Variants in A2ML1 observed in about 807,000 individuals in gnomAD.
A2ML1 encodes the protein alpha-2-macroglobulin-like protein 1.
Under a neutral mutation model 181.9 loss-of-function variants are expected in A2ML1, and 161 were observed. The observed-to-expected ratio is 0.89, with a 90% CI of 0.78 to 1.01. The LOEUF is 1.01. Ranked by LOEUF, A2ML1 falls within the 50% of genes least tolerant of loss-of-function variation. A2ML1 has a pLI of 0.00. For synonymous variants in A2ML1, 663 were observed against 666.8 expected (o/e 0.99, Z 0.09); for missense variants, 1,670 against 1,768.1 (o/e 0.94, Z 1.00).
chr12:8,852,433 C>A lies in A2ML1; in HGVS notation c.2590+97C>A. On this transcript the variant is annotated intron_variant, in intron 20 of 35. Coordinates refer to ENST00000299698, the MANE Select transcript of A2ML1 (RefSeq NM_144670.6). The surrounding 1 kb of genome is among the most constrained non-coding windows in gnomAD (Gnocchi z 4.2). ...TTCCTCTGCCACATCTGCTTTGCTT[C>A]CTCCTCCATTTTCCACTATTTTTCT... 6.5e-7 allele frequency: 1 copy of A among 1,535,322 alleles called. No individual in the cohort carries two copies.
rs1185230247 is a variant in A2ML1 at position 8,823,189 on chromosome 12, C to G, written c.70C>G (p.Leu24Val). The G allele has an allele frequency of 1.2e-6, 2 of 1,613,248 alleles. No individual in the cohort carries two copies. The highest frequency in any genetic ancestry group is 1.1e-5 in the South Asian group (1 of 90,934). ...CTTCTGCTCCTTTAATAGAAACTAC[C>G]TGGTGACATTACCAGCCCGGCTAAA... ...PAIAEELPNY[L>V]VTLPARLNFP... The change falls in exon 2 of 36, where the codon CTG becomes GTG. Residue 24 changes from leucine (L) to valine (V), a missense_variant. Transcript: ENST00000299698.
chr12:8,872,376 G>C (rs752797435), intron 33 of A2ML1, among the ~76,000 whole-genome samples: 10 of 151,792 alleles, frequency 6.6e-5, no homozygotes, highest in African/African-American at 2.2e-4. Flanking sequence ...TTAACTATTG[G>C]TCTTTATCAT....
At chr12:8,886,761 A>G (rs1944924900) in exon 8 of A2ML1, 1 of 152,196 alleles carries the variant, frequency 6.6e-6, no homozygotes, top group Admixed American at 6.5e-5. Flanking sequence ...ACATTGGATT[A>G]GCCACCCTTA....
intron 32 of A2ML1, 23 bp downstream of exon 32, chr12:8,868,650 A>G (rs1210994319): frequency 1.2e-6 from 2 of 1,607,396 alleles, no homozygotes; most frequent in Non-Finnish European, 1.7e-6. Context: ...TGTTTTCTTC[A>G]TTTATCTAGC....
chr12:8,833,942 A>T (rs1344866133), intron 4 of A2ML1, among the ~76,000 whole-genome samples: 2 of 152,160 alleles, frequency 1.3e-5, no homozygotes, highest in Non-Finnish European at 2.9e-5. Flanking sequence ...TTGGCCCAAG[A>T]ATAAAAAAAT....
intron 14 of A2ML1, among the ~76,000 whole-genome samples, chr12:8,846,830 A>T (rs1476454338): frequency 6.9e-6 from 1 of 145,904 alleles, no homozygotes; most frequent in Non-Finnish European, 1.5e-5. Flanking sequence ...AAAAAAAATT[A>T]GTTGAGTGTG....
chr12:8,876,642 C>T lies in A2ML1; in HGVS notation c.*586C>T, dbSNP rs1437046814. 6.6e-6 allele frequency: 1 copy of T among 152,082 alleles called. No homozygotes were observed. The highest frequency in any genetic ancestry group is 1.5e-5 in the Non-Finnish European group (1 of 68,038). The allele number at this position is 152,082 out of a possible 1,614,324, so 9.4% of individuals were successfully genotyped here. A position where few individuals can be genotyped will look rare whatever the true frequency, so the allele number is the denominator to read the frequency against. The stretch of plus-strand genomic sequence containing the variant: ...GAGCTGAGATTGTGCCACTGCACTC[C>T]AGCCTGGGCAATGAGGCAAGACCCT... On this transcript the variant is annotated 3_prime_UTR_variant, in exon 36 of 36. Transcript: ENST00000299698.
Position 8,852,230 on chromosome 12 carries a change from A to G in A2ML1, c.2484A>G (p.Lys828=), listed in dbSNP as rs375644283. Residue 828 remains lysine, a synonymous_variant, in exon 20 of 36, where the codon AAA becomes AAG. Transcript: ENST00000299698. This position sits in a 1 kb window ranked among gnomAD's most constrained non-coding sequence, Gnocchi z 4.2. ...CGTAGGTTCAGACTGACCTGGCTAA[A>G]TCGCATGAGTACCAGCTAGAATCAT... ...DCIRVQTDLA[K]SHEYQLESWA... The G allele has an allele frequency of 1.3e-4, 206 of 1,614,102 alleles. No individual in the cohort carries two copies. The highest frequency in any genetic ancestry group is 1.6e-4 in the Non-Finnish European group (187 of 1,180,020).
At position 8,839,168 on chromosome 12, in the gene A2ML1, G is replaced by C. The variant is rs1278078138; in HGVS notation, c.1026G>C (p.Met342Ile). The C allele has an allele frequency of 1.2e-6, 2 of 1,613,496 alleles. No homozygotes were observed. Among genetic ancestry groups the C allele is most frequent in the African/African-American group, 2.7e-5 (2 of 74,898 alleles). Reference protein sequence around the residue: ...NIYISPQMGSMTFEDTSNFYH... With the variant: ...NIYISPQMGSITFEDTSNFYH... ...ACATTTCTCCACAAATGGGATCAAT[G>C]ACCTTTGAAGACACCAGCAATTTTT... The change falls in exon 10 of 36, where the codon ATG becomes ATC. Residue 342 changes from methionine to isoleucine, a missense_variant. Met to Ile is a conservative substitution (Grantham distance 10, BLOSUM62 1). Coordinates refer to ENST00000299698, the MANE Select transcript of A2ML1 (RefSeq NM_144670.6).
At chr12:8,874,856 C>A in intron 34 of A2ML1, 115 bp from the exon 35 acceptor site, 2 of 964,556 alleles carry the variant, frequency 2.1e-6, no homozygotes, top group Non-Finnish European at 3.2e-6. Flanking sequence ...TCTGAATATG[C>A]TCATAACCTG....
chr12:8,863,263 C>T (rs188210337), intron 28 of A2ML1, among the ~76,000 whole-genome samples: 15 of 152,090 alleles, frequency 9.9e-5, no homozygotes, highest in African/African-American at 3.6e-4. Flanking sequence ...CGCGCCACCA[C>T]GCCTGGCTAA....
intron 33 of A2ML1, 77 bp downstream of exon 33, chr12:8,869,280 G>A (rs1944541257): frequency 6.9e-6 from 10 of 1,446,534 alleles, no homozygotes; most frequent in South Asian, 2.3e-5. Context: ...CTGTATATAC[G>A]GGTGTCACAC....
At chr12:8,834,794 T>C (rs934803632) in intron 5 of A2ML1, 112 bp downstream of exon 5, 18 of 1,379,420 alleles carry the variant, frequency 1.3e-5, no homozygotes, top group East Asian at 1.1e-4. Flanking sequence ...CAGAGCCCCA[T>C]GACTCTGCCC....
chr12:8,849,903 C>A, intron 17 of A2ML1, 144 bp downstream of exon 17: 1 of 768,328 alleles, frequency 1.3e-6, no homozygotes, highest in South Asian at 1.8e-5. Context: ...AGGACAGTTT[C>A]CCAAGTGTTC....
intron 22 of A2ML1, 141 bp downstream of exon 22, chr12:8,854,972 G>A: frequency 8.5e-6 from 7 of 827,800 alleles, no homozygotes; most frequent in Non-Finnish European, 1.3e-5. Flanking sequence ...TCAGCTCATT[G>A]CAACCTCTGC....
Position 8,861,259 on chromosome 12 carries a change from T to C in A2ML1, c.3464T>C (p.Ile1155Thr). Residue 1155 changes from isoleucine (I) to threonine (T), a missense_variant, in exon 28 of 36, where the codon ATT (isoleucine) becomes ACT (threonine). Ile to Thr is a moderately conservative substitution (Grantham distance 89). Transcript: ENST00000299698. ...SLAGEMDIRNILLKQLDQQAI... is the reference protein window; with the variant it reads ...SLAGEMDIRNTLLKQLDQQAI... Reference sequence around the variant, plus strand: ...GCTGGGGAAATGGACATCAGAAACATTCTCCTTAAACAGTTAGATCAACAG... The same window carrying C: ...GCTGGGGAAATGGACATCAGAAACACTCTCCTTAAACAGTTAGATCAACAG... The C allele has an allele frequency of 1.2e-6, 2 of 1,614,122 alleles. No individual in the cohort carries two copies. The highest frequency in any genetic ancestry group is 1.3e-5 in the African/African-American group (1 of 74,998).
downstream of A2ML1, among the ~76,000 whole-genome samples, chr12:8,881,376 G>A (rs757269458): frequency 3.0e-4 from 45 of 152,282 alleles, no homozygotes; most frequent in African/African-American, 1.0e-3. Flanking sequence ...AGTAAGTTAT[G>A]GGAAGGTAAA....
rs56179521 is a variant in A2ML1, at chr12:8,857,183, C to T, written c.2868C>T (p.Ala956=). The T allele has an allele frequency of 0.047, 76,295 of 1,612,308 alleles. 2,274 individuals carry two copies. Among genetic ancestry groups the T allele is most frequent in the Non-Finnish European group, 0.054 (63,865 of 1,179,958 alleles). ...VTVLGDIMGT[A]LQNLDGLVQM... Reference sequence around the variant, plus strand: ...TCCCAGGAGACATTATGGGCACAGCCCTGCAGAACCTGGATGGTCTGGTGC... The same window carrying T: ...TCCCAGGAGACATTATGGGCACAGCTCTGCAGAACCTGGATGGTCTGGTGC... Residue 956 remains alanine (A), a synonymous_variant, in exon 24 of 36, where the codon GCC becomes GCT. Transcript: ENST00000299698.
At chr12:8,858,213 T>A (rs1251749572) in intron 26 of A2ML1, 111 bp downstream of exon 26, 1 of 1,314,966 alleles carries the variant, frequency 7.6e-7, no homozygotes, top group Non-Finnish European at 1.0e-6. Flanking sequence ...TCTCCTGATC[T>A]CCACTGTGGC....
Sources: allele counts gnomAD v4.1 joint callset (sites outside exome capture counted in the v4.1 genomes callset), GRCh38; gene constraint gnomAD v4.1.1; non-coding constraint Gnocchi (gnomAD v3.1); transcripts MANE v1.5; gene names NCBI Gene and HGNC (gene_info 2026-07-23, HGNC 2026-07-21).